The following RPS6KC1 variants were observed in gnomAD, a reference collection of about 807,000 sequenced individuals.
The protein encoded by RPS6KC1 is inactive ribosomal protein S6 kinase delta-1.
Under a neutral mutation model 103.8 loss-of-function variants are expected in RPS6KC1, and 54 were observed. That is an observed-to-expected ratio of 0.52 (90% CI 0.42 to 0.65). The LOEUF (loss-of-function observed/expected upper bound fraction) is 0.65. RPS6KC1 is among the 30% of genes least tolerant of loss of function. The probability of loss-of-function intolerance (pLI) is 0.00; values close to 1 mark genes in which losing one functional copy is unlikely to be tolerated. For missense variants in RPS6KC1, 1,151 were observed against 1,253.8 expected, an observed-to-expected ratio of 0.92 and a Z score of 1.24; for synonymous variants, 439 against 438.7, an observed-to-expected ratio of 1.00 and a Z score of -0.01.
chr1:213,764,101 C>A, the RPS6KC1 span, among the ~76,000 whole-genome samples: 1 of 152,148 alleles, frequency 6.6e-6, no homozygotes, highest in Admixed American at 6.5e-5. Flanking sequence ...AACATTGGCA[C>A]AATATTTGTC....
the RPS6KC1 span, chr1:213,842,379 C>T: frequency 6.6e-6 from 1 of 152,164 alleles, no homozygotes; most frequent in Non-Finnish European, 1.5e-5. Flanking sequence ...TGTCTCCCCT[C>T]CACCACCATA....
At chr1:213,068,871 ATATGTGTG>A (rs1553305784) in intron 1 of RPS6KC1, among the ~76,000 whole-genome samples, 39 of 93,788 alleles carry the variant, frequency 4.2e-4, no homozygotes, top group African/African-American at 1.5e-3. Context: ...AAAAGTGTAT[ATATGTGTG>A]TGTGTGTGTG....
chr1:213,767,400 C>A, the RPS6KC1 span, among the ~76,000 whole-genome samples: 6 of 152,140 alleles, frequency 3.9e-5, no homozygotes, highest in African/African-American at 1.4e-4. Flanking sequence ...ACATTTCCTC[C>A]CCATCTTCTG....
At chr1:213,498,731 G>C in the RPS6KC1 span, among the ~76,000 whole-genome samples, 6 of 146,328 alleles carry the variant, frequency 4.1e-5, no homozygotes, top group African/African-American at 1.5e-4. Flanking sequence ...TGGGATTACA[G>C]GCATGAGCCA....
chr1:213,572,602 A>T, the RPS6KC1 span, among the ~76,000 whole-genome samples: 15 of 152,236 alleles, frequency 9.9e-5, no homozygotes, highest in Admixed American at 2.6e-4. Flanking sequence ...AAACAATTTT[A>T]CAAATAAACA....
intron 8 of RPS6KC1, among the ~76,000 whole-genome samples, chr1:213,202,585 C>A (rs1023338824): frequency 1.3e-5 from 2 of 152,088 alleles, no homozygotes; most frequent in Non-Finnish European, 2.9e-5. Context: ...TGCACTCAAA[C>A]CTGGGCGATA....
intron 10 of RPS6KC1, among the ~76,000 whole-genome samples, chr1:213,234,148 T>A (rs2094170149): frequency 6.6e-6 from 1 of 151,912 alleles, no homozygotes; most frequent in South Asian, 2.1e-4. Flanking sequence ...CAGCTGGGAT[T>A]ACATGCGTGC....
the RPS6KC1 span, among the ~76,000 whole-genome samples, chr1:213,574,646 G>A: frequency 6.6e-6 from 1 of 152,188 alleles, no homozygotes; most frequent in African/African-American, 2.4e-5. Flanking sequence ...TAGTTGAAAG[G>A]TAAATGGTGA....
the RPS6KC1 span, among the ~76,000 whole-genome samples, chr1:213,521,656 A>G: frequency 6.6e-6 from 1 of 152,238 alleles, no homozygotes; most frequent in African/African-American, 2.4e-5. Flanking sequence ...AAATTTATGT[A>G]ATATTTTAAA....
the RPS6KC1 span, among the ~76,000 whole-genome samples, chr1:213,802,590 T>C: frequency 1.3e-5 from 2 of 152,316 alleles, no homozygotes; most frequent in Non-Finnish European, 2.9e-5. Flanking sequence ...TTAGGAATGA[T>C]TTTTTTGACA....
chr1:213,164,121 AAGACATTT>A (rs1315013550), intron 6 of RPS6KC1, among the ~76,000 whole-genome samples: 1 of 152,234 alleles, frequency 6.6e-6, no homozygotes, highest in Admixed American at 6.5e-5. Flanking sequence ...GTAACTGAGA[AAGACATTT>A]CACATTCCTC....
chr1:213,399,601 T>G, the RPS6KC1 span, among the ~76,000 whole-genome samples: 1 of 152,038 alleles, frequency 6.6e-6, no homozygotes, highest in African/African-American at 2.4e-5. Flanking sequence ...TTAAAAGATA[T>G]CCAGACCTCG....
chr1:213,208,666 C>T (rs1048789507), intron 8 of RPS6KC1, among the ~76,000 whole-genome samples: 3 of 151,960 alleles, frequency 2.0e-5, no homozygotes, highest in African/African-American at 7.2e-5. Flanking sequence ...TTGTGGGAGC[C>T]CAGTGGTGGA....
intron 12 of RPS6KC1, among the ~76,000 whole-genome samples, chr1:213,253,623 C>T (rs533796932): frequency 6.6e-6 from 1 of 152,236 alleles, no homozygotes; most frequent in South Asian, 2.1e-4. Flanking sequence ...TTTGACAAAT[C>T]CATGCAGTTT....
chr1:213,405,406 G>A, the RPS6KC1 span, among the ~76,000 whole-genome samples: 437 of 152,328 alleles, frequency 2.9e-3, 2 homozygotes, highest in African/African-American at 0.01. Flanking sequence ...CCATGGCAGG[G>A]ATCCTGAAAG....
At chr1:213,747,646 A>G in the RPS6KC1 span, among the ~76,000 whole-genome samples, 12 of 152,256 alleles carry the variant, frequency 7.9e-5, no homozygotes, top group African/African-American at 2.9e-4. Flanking sequence ...AACTTAAAGA[A>G]GAAATAGAAA....
chr1:213,383,799 G>A, the RPS6KC1 span, among the ~76,000 whole-genome samples: 3 of 151,526 alleles, frequency 2.0e-5, no homozygotes, highest in African/African-American at 4.9e-5. Context: ...AGGACACAGT[G>A]AGAAGGTGAC....
the RPS6KC1 span, among the ~76,000 whole-genome samples, chr1:213,813,447 C>T: frequency 1.3e-5 from 2 of 151,296 alleles, no homozygotes; most frequent in African/African-American, 4.9e-5. Context: ...TCCTAGGAAA[C>T]ACATGAAGAT....
At chr1:213,477,350 ATTT>A in the RPS6KC1 span, among the ~76,000 whole-genome samples, 3 of 144,100 alleles carry the variant, frequency 2.1e-5, no homozygotes, top group African/African-American at 7.5e-5. Flanking sequence ...TTATACCCTT[ATTT>A]TTTTTTTTTA....
Sources: gnomAD v4.1 joint callset for allele counts (sites outside exome capture counted in the v4.1 genomes callset) on GRCh38, gnomAD v4.1.1 for gene constraint, MANE v1.5 for transcripts, NCBI Gene and HGNC (gene_info 2026-07-23, HGNC 2026-07-21) for gene names.